PTPRF: variants seen among roughly 807,000 people sequenced by gnomAD.
The protein encoded by PTPRF is receptor-type tyrosine-protein phosphatase F.
A neutral mutation model predicts 201.8 loss-of-function variants in PTPRF; 59 were observed. The observed-to-expected ratio is 0.29, with a 90% CI of 0.24 to 0.36. The LOEUF is 0.36. PTPRF is among the 10% of genes least tolerant of loss of function. The pLI is 1.00. For missense variants in PTPRF, 2,132 were observed against 2,690.5 expected (o/e 0.79, Z 4.59); for synonymous variants, 1,088 against 1,089.7 (o/e 1.00, Z 0.03).
intron 10 of PTPRF, 34 bp downstream of exon 10, chr1:43,591,982 T>A: frequency 6.2e-7 from 1 of 1,610,354 alleles, no homozygotes; most frequent in Non-Finnish European, 8.5e-7. Context: ...TGAGGGGGTC[T>A]CCTGGTCCCT....
intron 6 of PTPRF, among the ~76,000 whole-genome samples, chr1:43,578,075 C>T (rs974131646): frequency 6.6e-6 from 1 of 152,304 alleles, no homozygotes; most frequent in East Asian, 1.9e-4. Context: ...CTACCCACCC[C>T]GATCCTGGCT....
intron 23 of PTPRF, 142 bp downstream of exon 23, chr1:43,613,857 G>T: frequency 2.7e-6 from 2 of 732,572 alleles, no homozygotes; most frequent in East Asian, 2.8e-5. Context: ...GTTGGCAGTG[G>T]TAAGGGTCAG....
chr1:43,609,344 G>A, intron 21 of PTPRF, 39 bp from the exon 22 acceptor site: 1 of 1,558,972 alleles, frequency 6.4e-7, no homozygotes, highest in Non-Finnish European at 8.8e-7. Flanking sequence ...TCTCAGCCTG[G>A]ACCTCAGGTT....
At chr1:43,574,171 T>A (rs1646771235) in intron 6 of PTPRF, among the ~76,000 whole-genome samples, 1 of 151,712 alleles carries the variant, frequency 6.6e-6, no homozygotes, top group African/African-American at 2.4e-5. Flanking sequence ...TAATTTTGTA[T>A]TTTTAGTAGA....
In PTPRF at chr1:43,537,301, G is replaced by A. The variant is rs771433600; in HGVS notation, c.-125-897G>A. Among the ~76,000 whole-genome samples the A allele has an allele frequency of 1.3e-5, 2 of 152,204 alleles. No individual in the cohort carries two copies. Among genetic ancestry groups the A allele is most frequent in the Non-Finnish European group, 2.9e-5 (2 of 68,034 alleles). Reference sequence around the variant, plus strand: ...GTGTGCCAGCGGAGGAGGCATCCAGGGGCACGCCTTCATTTTAAAAATTAT... The same window carrying A: ...GTGTGCCAGCGGAGGAGGCATCCAGAGGCACGCCTTCATTTTAAAAATTAT... On this transcript the variant is annotated intron_variant, in intron 1 of 33. Transcript: ENST00000359947. The surrounding 1 kb of genome is among the most constrained non-coding windows in gnomAD (Gnocchi z 4.8).
rs537595023 is a variant in PTPRF at position 43,589,975 on chromosome 1, A to T, written c.949+975A>T. Among the ~76,000 whole-genome samples the T allele has an allele frequency of 1.4e-3, 209 of 152,274 alleles. 1 individual carries two copies. Among genetic ancestry groups the T allele is most frequent in the Middle Eastern group, 0.014 (4 of 294 alleles). ...GAGTGATCTTTAAAAAATGTAATTC[A>T]GGATCAAGTGACTCCCTTTTAGGAA... On this transcript the variant is annotated intron_variant, in intron 8 of 33. Coordinates refer to ENST00000359947, the MANE Select transcript of PTPRF (RefSeq NM_002840.5).
chr1:43,592,900 C>T (rs910330804), intron 11 of PTPRF, among the ~76,000 whole-genome samples: 1 of 152,202 alleles, frequency 6.6e-6, no homozygotes. Flanking sequence ...ATCTCCGCCC[C>T]CACTCTGTGC....
At chr1:43,556,215 CCATT>C (rs761965291) in intron 5 of PTPRF, among the ~76,000 whole-genome samples, 134 of 152,326 alleles carry the variant, frequency 8.8e-4, no homozygotes, top group Non-Finnish European at 1.4e-3. Flanking sequence ...ACACACATCT[CCATT>C]CAGTTACTCT....
chr1:43,588,597 C>A lies in PTPRF; in HGVS notation c.680-134C>A. ...GAGTGGATGATGAGCTGGGGTCTGG[C>A]GGTGCCACCCCTCCTGTCTCTGAGC... On this transcript the variant is annotated intron_variant, in intron 7 of 33. Coordinates refer to ENST00000359947, the MANE Select transcript of PTPRF (RefSeq NM_002840.5). This position sits in a 1 kb window ranked among gnomAD's most constrained non-coding sequence, Gnocchi z 5.3. The A allele has an allele frequency of 1.7e-6, 2 of 1,187,928 alleles. No individual in the cohort carries two copies. The highest frequency in any genetic ancestry group is 2.3e-6 in the Non-Finnish European group (2 of 865,820). The allele number at this position is 1,187,928 out of a possible 1,614,324, so 73.6% of individuals were successfully genotyped here.
chr1:43,555,181 T>C (rs1645275800), intron 5 of PTPRF, among the ~76,000 whole-genome samples: 1 of 152,108 alleles, frequency 6.6e-6, no homozygotes, highest in South Asian at 2.1e-4. Context: ...AAGAATGTGA[T>C]GTCGATACCT....
Position 43,583,193 on chromosome 1 carries a change from T to G in PTPRF, c.679+4273T>G. On this transcript the variant is annotated intron_variant, in intron 7 of 33. Transcript: ENST00000359947. ...GCTCGGTCAGCTCCCTCAGGCTCAC[T>G]GCGCCGTGCCTGCCTGCCAGTCTCT... is the stretch of plus-strand genomic sequence containing the variant. 4.9e-6 allele frequency: 4 copies of G among 822,274 alleles called. No homozygotes were observed. The South Asian group carries it at 2.2e-4, about 46-fold the overall frequency. The allele number at this position is 822,274 out of a possible 1,614,324, so 50.9% of individuals were successfully genotyped here. A position where few individuals can be genotyped will look rare whatever the true frequency, so the allele number is the denominator to read the frequency against.
Position 43,546,444 on chromosome 1 carries a change from A to T in PTPRF, c.91+1278A>T, listed in dbSNP as rs924362349. The stretch of plus-strand genomic sequence containing the variant: ...CAGGGGATCTCCAGGCCTGGCTGGA[A>T]CCTGCAGGGGCAGGTTGGAGTAGAA... On this transcript the variant is annotated intron_variant, in intron 3 of 33. Transcript: ENST00000359947. This position sits in a 1 kb window ranked among gnomAD's most constrained non-coding sequence, Gnocchi z 4.2. 9.9e-5 allele frequency among the ~76,000 whole-genome samples: 15 copies of T among 152,098 alleles called. No homozygotes were observed. The highest frequency in any genetic ancestry group is 3.6e-4 in the African/African-American group (15 of 41,390).
intron 11 of PTPRF, among the ~76,000 whole-genome samples, chr1:43,596,600 C>T (rs1227005674): frequency 6.6e-6 from 1 of 152,146 alleles, no homozygotes; most frequent in Non-Finnish European, 1.5e-5. Flanking sequence ...TCATGTTCGG[C>T]CTCCTGTTGG....
rs375986334 is a variant in PTPRF at position 43,537,547 on chromosome 1, A to G, written c.-125-651A>G. Among the ~76,000 whole-genome samples the G allele has an allele frequency of 1.3e-5, 2 of 152,228 alleles. No homozygotes were observed. The highest frequency in any genetic ancestry group is 2.9e-5 in the Non-Finnish European group (2 of 68,040). ...CTGGGCAGCCACAGTCCATGCTCCT[A>G]TCAAGCTTATGGTAGTGACTCAGTA... On this transcript the variant is annotated intron_variant, in intron 1 of 33. Transcript: ENST00000359947. The surrounding 1 kb of genome is among the most constrained non-coding windows in gnomAD (Gnocchi z 4.8).
At position 43,537,961 on chromosome 1, in the gene PTPRF, G is replaced by A. The variant is rs1644124260; in HGVS notation, c.-125-237G>A. Among the ~76,000 whole-genome samples the A allele has an allele frequency of 6.6e-6, 1 of 152,122 alleles. No homozygotes were observed. Among genetic ancestry groups the A allele is most frequent in the African/African-American group, 2.4e-5 (1 of 41,428 alleles). On this transcript the variant is annotated intron_variant, in intron 1 of 33. Coordinates refer to ENST00000359947, the MANE Select transcript of PTPRF (RefSeq NM_002840.5). The surrounding 1 kb of genome is among the most constrained non-coding windows in gnomAD (Gnocchi z 4.8). The stretch of plus-strand genomic sequence containing the variant: ...TGTGTGGCTCACAGCTATATGGCTG[G>A]TGCCTGGAAGGACGCCCAGCACATA...
chr1:43,580,887 C>T (rs530289397), intron 7 of PTPRF, among the ~76,000 whole-genome samples: 5 of 152,242 alleles, frequency 3.3e-5, no homozygotes, highest in Admixed American at 1.3e-4. Context: ...GCTGCAAGGG[C>T]GTGGCCTATG....
rs1236840872 is a variant in PTPRF at position 43,546,530 on chromosome 1, C to G, written c.91+1364C>G. Among the ~76,000 whole-genome samples, 1 of 152,232 alleles carries G rather than the reference C, an allele frequency of 6.6e-6. No individual in the cohort carries two copies. Among genetic ancestry groups the G allele is most frequent in the East Asian group, 1.9e-4 (1 of 5,180 alleles). ...AGGTGAAGGCTTGTCCACGTGTGGT[C>G]AGTAGCTCTTGGACATTGAAGTACT... On this transcript the variant is annotated intron_variant, in intron 3 of 33. Coordinates refer to ENST00000359947, the MANE Select transcript of PTPRF (RefSeq NM_002840.5). This position sits in a 1 kb window ranked among gnomAD's most constrained non-coding sequence, Gnocchi z 4.2.
At chr1:43,570,478 A>G (rs890639574) in intron 6 of PTPRF, among the ~76,000 whole-genome samples, 2 of 152,216 alleles carry the variant, frequency 1.3e-5, no homozygotes, top group Non-Finnish European at 1.5e-5. Flanking sequence ...GCCTGGACCA[A>G]TAGTCTTTGC....
At chr1:43,574,927 G>A (rs1646824030) in intron 6 of PTPRF, among the ~76,000 whole-genome samples, 1 of 152,200 alleles carries the variant, frequency 6.6e-6, no homozygotes, top group African/African-American at 2.4e-5. Flanking sequence ...TTTCTCATTT[G>A]AACTTAGAGA....
Sources: gnomAD v4.1 joint callset for allele counts (sites outside exome capture counted in the v4.1 genomes callset) on GRCh38, gnomAD v4.1.1 for gene constraint, Gnocchi (gnomAD v3.1) non-coding constraint, MANE v1.5 for transcripts, NCBI Gene and HGNC (gene_info 2026-07-23, HGNC 2026-07-21) for gene names.